Variants in GALNT14 observed in about 807,000 individuals in gnomAD.
GALNT14 encodes UDP-GalNAc:polypeptide N-acetylgalactosaminyltransferase 14.
Under a neutral mutation model 77.5 loss-of-function variants are expected in GALNT14, and 60 were observed. The ratio of observed to expected loss-of-function variants is 0.77; its 90% confidence interval spans 0.63 to 0.96. GALNT14 has a LOEUF of 0.96. GALNT14 is among the 40% of genes least tolerant of loss of function. GALNT14 has a pLI of 0.00. For missense variants in GALNT14, 710 were observed against 731.0 expected, an observed-to-expected ratio of 0.97 and a Z score of 0.33; for synonymous variants, 280 against 281.7, an observed-to-expected ratio of 0.99 and a Z score of 0.06.
chr2:31,023,678 C>G (rs761854834), intron 1 of GALNT14, among the ~76,000 whole-genome samples: 5 of 152,098 alleles, frequency 3.3e-5, no homozygotes, highest in Admixed American at 2.6e-4. Flanking sequence ...TCCTGACTCT[C>G]ACCCTGCTTG....
chr2:31,013,271 AT>A (rs66952871), intron 1 of GALNT14, among the ~76,000 whole-genome samples: 27,092 of 152,142 alleles, frequency 0.18, 2,557 homozygotes, highest in Admixed American at 0.26. Context: ...ATCTTTTTAA[AT>A]AAAAACCTCC....
intron 1 of GALNT14, among the ~76,000 whole-genome samples, chr2:31,133,141 G>C (rs374847709): frequency 2.1e-4 from 32 of 151,910 alleles, no homozygotes; most frequent in Admixed American, 6.6e-4. Flanking sequence ...CTGAATTTTC[G>C]GGGAGACTGA....
intron 1 of GALNT14, among the ~76,000 whole-genome samples, chr2:31,024,198 C>A (rs530461145): frequency 3.9e-5 from 6 of 152,178 alleles, no homozygotes; most frequent in Non-Finnish European, 7.3e-5. Flanking sequence ...GCACCTGCAC[C>A]ACTGTCACCT....
intron 1 of GALNT14, among the ~76,000 whole-genome samples, chr2:31,009,844 G>A (rs926949931): frequency 2.6e-5 from 4 of 152,078 alleles, no homozygotes; most frequent in Non-Finnish European, 5.9e-5. Flanking sequence ...CCATCCCCAT[G>A]TCCTGTTGGT....
At chr2:31,007,078 G>A (rs6707684) in intron 1 of GALNT14, among the ~76,000 whole-genome samples, 40,655 of 152,100 alleles carry the variant, frequency 0.27, 5,569 homozygotes, top group East Asian at 0.4. Context: ...GTGGGACTCT[G>A]TGGGGGCTGC....
intron 1 of GALNT14, among the ~76,000 whole-genome samples, chr2:31,120,017 G>T (rs11691195): frequency 0.095 from 11,721 of 123,434 alleles, 2,456 homozygotes; most frequent in African/African-American, 0.13. Flanking sequence ...TTAGCCGGGC[G>T]TGGTAGCGGG....
intron 13 of GALNT14, among the ~76,000 whole-genome samples, chr2:30,918,362 T>A (rs533640569): frequency 6.6e-6 from 1 of 152,312 alleles, no homozygotes; most frequent in African/African-American, 2.4e-5. Flanking sequence ...TTCCCTTGCA[T>A]GTAAAATGAG....
At chr2:31,128,743 A>G (rs1051362182) in intron 1 of GALNT14, among the ~76,000 whole-genome samples, 1 of 151,936 alleles carries the variant, frequency 6.6e-6, no homozygotes. Context: ...GCCTCTCTCC[A>G]CTTCTTGCAC....
intron 1 of GALNT14, among the ~76,000 whole-genome samples, chr2:31,035,553 A>ATGTGTG (rs573163116): frequency 0.063 from 8,181 of 129,378 alleles, 403 homozygotes; most frequent in Non-Finnish European, 0.077. Flanking sequence ...GATAAAGAAA[A>ATGTGTG]TGTGTGTGTG....
chr2:30,932,230 T>C, intron 9 of GALNT14, 36 bp from the exon 10 acceptor site: 1 of 1,406,984 alleles, frequency 7.1e-7, no homozygotes, highest in South Asian at 1.8e-5. Flanking sequence ...TGACCTCTTA[T>C]CACTGCTGCT....
intron 10 of GALNT14, 123 bp downstream of exon 10, chr2:30,931,945 G>T: frequency 3.0e-6 from 3 of 1,002,166 alleles, no homozygotes; most frequent in Non-Finnish European, 4.0e-6. Context: ...TGCAGCCCCG[G>T]CCAGTTCAAA....
At chr2:31,004,264 G>A (rs549345725) in intron 1 of GALNT14, among the ~76,000 whole-genome samples, 1 of 152,288 alleles carries the variant, frequency 6.6e-6, no homozygotes, top group East Asian at 1.9e-4. Context: ...TATCCACAGG[G>A]GACTCAGGAA....
intron 2 of GALNT14, among the ~76,000 whole-genome samples, chr2:30,982,340 C>A (rs1669040323): frequency 6.6e-6 from 1 of 152,178 alleles, no homozygotes; most frequent in Admixed American, 6.5e-5. Flanking sequence ...ACACATATGC[C>A]TGTTCACCAA....
chr2:31,111,900 A>T (rs1156618828), intron 1 of GALNT14, among the ~76,000 whole-genome samples: 2 of 151,722 alleles, frequency 1.3e-5, no homozygotes, highest in African/African-American at 4.8e-5. Flanking sequence ...TAAATAGGCC[A>T]TCAGAAGTAC....
At chr2:31,043,441 G>T (rs1673224881) in intron 1 of GALNT14, among the ~76,000 whole-genome samples, 1 of 152,142 alleles carries the variant, frequency 6.6e-6, no homozygotes, top group South Asian at 2.1e-4. Flanking sequence ...CAATAAATAA[G>T]GTAGGAATCA....
chr2:30,899,960 C>T, the GALNT14 span, among the ~76,000 whole-genome samples: 1 of 152,242 alleles, frequency 6.6e-6, no homozygotes, highest in Non-Finnish European at 1.5e-5. Context: ...TCACCATACC[C>T]TTATGTGCCA....
chr2:31,066,576 G>T (rs1674979804), intron 1 of GALNT14, among the ~76,000 whole-genome samples: 1 of 152,136 alleles, frequency 6.6e-6, no homozygotes, highest in South Asian at 2.1e-4. Flanking sequence ...ACAGGAGTTG[G>T]ACACGAAGTA....
At chr2:30,942,039 C>T (rs1004605604) in intron 9 of GALNT14, among the ~76,000 whole-genome samples, 162 bp downstream of exon 9, 3 of 152,164 alleles carry the variant, frequency 2.0e-5, no homozygotes, top group Admixed American at 1.3e-4. Context: ...GCACCCTACC[C>T]GCTTTCCCCC....
At chr2:31,087,475 G>A (rs550715332) in intron 1 of GALNT14, among the ~76,000 whole-genome samples, 2 of 152,174 alleles carry the variant, frequency 1.3e-5, no homozygotes, top group South Asian at 4.2e-4. Context: ...GAGGAGACAG[G>A]AAAGGAGAGG....
Sources: gnomAD v4.1 joint callset for allele counts (sites outside exome capture counted in the v4.1 genomes callset) on GRCh38, gnomAD v4.1.1 for gene constraint, MANE v1.5 for transcripts, NCBI Gene and HGNC (gene_info 2026-07-23, HGNC 2026-07-21) for gene names.